Variants in RACGAP1 observed in about 807,000 individuals in gnomAD.
RACGAP1 encodes the protein rac GTPase-activating protein 1.
RACGAP1 carries 30 observed loss-of-function variants against 78.1 expected under a neutral mutation model. That is an observed-to-expected ratio of 0.38 (90% CI 0.29 to 0.52). The LOEUF is 0.52. Among genes scored for constraint, RACGAP1 ranks in the 20% least tolerant of loss-of-function variants. The pLI, the probability that RACGAP1 is intolerant of heterozygous loss-of-function variation, is 0.82. For synonymous variants in RACGAP1, 231 were observed against 264.8 expected (o/e 0.87, Z 1.24); for missense variants, 587 against 777.1 (o/e 0.76, Z 2.91).
At chr12:50,012,168 T>C (rs1242931101) in intron 2 of RACGAP1, among the ~76,000 whole-genome samples, 1 of 152,020 alleles carries the variant, frequency 6.6e-6, no homozygotes, top group Non-Finnish European at 1.5e-5. Context: ...GGTTCACACC[T>C]GTAATCCCAG....
At chr12:50,031,702 A>G (rs566716658) in exon 2 of RACGAP1, 129 of 985,116 alleles carry the variant, frequency 1.3e-4, no homozygotes, top group Admixed American at 4.9e-4. Context: ...CTCACCCTCT[A>G]GACAGTTTAA....
chr12:50,030,721 A>C (rs1950324834), intron 2 of RACGAP1, among the ~76,000 whole-genome samples: 1 of 152,078 alleles, frequency 6.6e-6, no homozygotes. Context: ...CATAATATAT[A>C]TACATTATAC....
chr12:49,990,501 G>C (rs537671327), intron 16 of RACGAP1, among the ~76,000 whole-genome samples, 158 bp from the exon 17 acceptor site: 1 of 152,270 alleles, frequency 6.6e-6, no homozygotes, highest in East Asian at 1.9e-4. Context: ...CAACGAGAGA[G>C]GGGAAATAGT....
rs116100122 is a variant in RACGAP1 at position 50,009,902 on chromosome 12, C to G, written c.86-3266G>C. On this transcript the variant is annotated intron_variant, in intron 2 of 16. Transcript: ENST00000312377. ...GAATCTTTTCCTAATCAGTTTGCTA[C>G]ACACTAAATTTTTCTAGATTACCCA... is the stretch of plus-strand genomic sequence containing the variant. 8.0e-3 allele frequency among the ~76,000 whole-genome samples: 1,219 copies of G among 152,312 alleles called. 16 individuals are homozygous for G. Among genetic ancestry groups the G allele is most frequent in the African/African-American group, 0.028 (1,147 of 41,574 alleles).
chr12:50,032,116 A>C (rs1316099837), intron 1 of RACGAP1, among the ~76,000 whole-genome samples: 2 of 152,176 alleles, frequency 1.3e-5, no homozygotes, highest in African/African-American at 4.8e-5. Flanking sequence ...ACAGCACTCC[A>C]GCCTGGGTGA....
intron 1 of RACGAP1, chr12:50,017,046 A>G: frequency 9.4e-7 from 1 of 1,067,538 alleles, no homozygotes; most frequent in African/African-American, 1.7e-5. Flanking sequence ...TGGTTCTTCA[A>G]GTCAAGCCTA....
Position 50,005,208 on chromosome 12 carries a change from C to T in RACGAP1, c.425+48G>A. The T allele has an allele frequency of 1.9e-6, 3 of 1,603,830 alleles. No individual in the cohort carries two copies. The South Asian group carries it at 3.3e-5, about 18-fold the overall frequency. The stretch of plus-strand genomic sequence containing the variant: ...GAATTCAGATAACAAGAATATCTGA[C>T]AGCCTGTGTTGCTTGTGATAGGATA... On this transcript the variant is annotated intron_variant, in intron 4 of 16. Coordinates refer to ENST00000312377, the MANE Select transcript of RACGAP1 (RefSeq NM_001319999.2).
upstream of RACGAP1, among the ~76,000 whole-genome samples, chr12:50,027,866 G>A (rs900937853): frequency 1.3e-5 from 2 of 152,144 alleles, no homozygotes; most frequent in Non-Finnish European, 2.9e-5. Flanking sequence ...ACGAGAAAGC[G>A]TTTATGAAGG....
chr12:50,022,102 T>C (rs1950040766), intron 1 of RACGAP1, among the ~76,000 whole-genome samples: 1 of 152,218 alleles, frequency 6.6e-6, no homozygotes, highest in African/African-American at 2.4e-5. Flanking sequence ...ACTGAATACC[T>C]CTTTTTTTCC....
chr12:50,014,912 G>A (rs1039347859), intron 2 of RACGAP1, among the ~76,000 whole-genome samples: 5 of 151,662 alleles, frequency 3.3e-5, no homozygotes, highest in Admixed American at 2.0e-4. Flanking sequence ...GTGTGGTGGC[G>A]GACACTTATA....
At chr12:50,025,188 A>G in intron 1 of RACGAP1, 1 of 562,302 alleles carries the variant, frequency 1.8e-6, no homozygotes, top group Non-Finnish European at 2.3e-6. Flanking sequence ...GCGCCAAGAC[A>G]GAAGCCCCCG....
chr12:50,015,751 G>C (rs1025104536), intron 2 of RACGAP1, among the ~76,000 whole-genome samples: 7 of 151,412 alleles, frequency 4.6e-5, no homozygotes, highest in Non-Finnish European at 8.8e-5. Context: ...GCAGTGAGCC[G>C]AGATCGCACC....
intron 9 of RACGAP1, among the ~76,000 whole-genome samples, 153 bp from the exon 10 acceptor site, chr12:49,997,357 CT>C (rs1285545326): frequency 6.6e-6 from 1 of 151,566 alleles, no homozygotes; most frequent in African/African-American, 2.4e-5. Context: ...TCACTGCAAC[CT>C]CTGCCTCCCA....
chr12:50,019,723 T>TAAATAAATAAATAAATAAAAAAAA, intron 1 of RACGAP1: 1 of 149,658 alleles, frequency 6.7e-6, no homozygotes, highest in South Asian at 2.1e-4. Context: ...AATAAATAAA[T>TAAATAAATAAATAAATAAAAAAAA]AAAAAGGTCC....
rs1003014372 is a variant in RACGAP1, at chr12:50,021,147, T to A, written c.-5+4251A>T. ...ATGAATACTTGTTTATTTCCCCCCA[T>A]GTATTATTTAGTCCATAGCTAGGAG... On this transcript the variant is annotated intron_variant, in intron 1 of 16. Transcript: ENST00000312377. 5.1e-6 allele frequency: 5 copies of A among 978,872 alleles called. No individual in the cohort carries two copies. The African/African-American group carries it at 9.1e-5, about 18-fold the overall frequency. 60.6% of individuals were successfully genotyped at this position (978,872 alleles called of 1,614,324 possible).
chr12:50,014,769 C>T (rs1479393517), intron 2 of RACGAP1, among the ~76,000 whole-genome samples: 1 of 151,222 alleles, frequency 6.6e-6, no homozygotes. Context: ...GTTTTTGTGG[C>T]CAGGTGCTCA....
chr12:50,030,413 C>T (rs148017343), upstream of RACGAP1, among the ~76,000 whole-genome samples: 1 of 149,878 alleles, frequency 6.7e-6, no homozygotes, highest in African/African-American at 2.5e-5. Context: ...TCTGAGAGCA[C>T]GTGGTAGCTC....
chr12:50,030,041 C>G (rs537983702), upstream of RACGAP1, among the ~76,000 whole-genome samples: 12 of 151,906 alleles, frequency 7.9e-5, no homozygotes, highest in South Asian at 2.5e-3. Flanking sequence ...GAGGCTGAGA[C>G]GACAGGATCA....
intron 1 of RACGAP1, chr12:50,021,224 T>G: frequency 1.5e-6 from 1 of 663,202 alleles, no homozygotes; most frequent in Non-Finnish European, 1.9e-6. Flanking sequence ...AGTACATTGC[T>G]TTTGCAGCTG....
Sources: gnomAD v4.1 joint callset for allele counts (sites outside exome capture counted in the v4.1 genomes callset) on GRCh38, gnomAD v4.1.1 for gene constraint, MANE v1.5 for transcripts, NCBI Gene and HGNC (gene_info 2026-07-23, HGNC 2026-07-21) for gene names.